The following RANBP9 variants were observed in gnomAD, a reference collection of about 807,000 sequenced individuals.
The protein encoded by RANBP9 is RAN binding protein 9.
In RANBP9, 15 loss-of-function variants were observed where a neutral mutation model predicts 84.3. The observed-to-expected ratio is 0.18, with a 90% CI of 0.12 to 0.27. The LOEUF is 0.27. Ranked by LOEUF, RANBP9 falls within the 10% of genes least tolerant of loss-of-function variation. RANBP9 has a pLI of 1.00. For missense variants in RANBP9, 809 were observed against 912.8 expected (o/e 0.89, Z 1.46); for synonymous variants, 392 against 349.6 (o/e 1.12, Z -1.35).
At chr6:13,698,157 C>T (rs1350404650) in intron 1 of RANBP9, among the ~76,000 whole-genome samples, 1 of 152,046 alleles carries the variant, frequency 6.6e-6, no homozygotes, top group Non-Finnish European at 1.5e-5. Flanking sequence ...CCCACTCCCC[C>T]CACAAAAAAA....
chr6:13,625,803 T>C (rs1463923633), intron 12 of RANBP9, 39 bp from the exon 13 acceptor site: 1 of 1,375,986 alleles, frequency 7.3e-7, no homozygotes, highest in East Asian at 2.3e-5. Context: ...ATTCAAATAG[T>C]TCAACTATTA....
intron 2 of RANBP9, 100 bp from the exon 3 acceptor site, chr6:13,658,932 G>C: frequency 8.5e-7 from 1 of 1,183,300 alleles, no homozygotes; most frequent in Non-Finnish European, 1.3e-6. Flanking sequence ...CCAAGCCCAA[G>C]TTGGAACTCC....
At chr6:13,672,687 G>T (rs1047168221) in intron 2 of RANBP9, among the ~76,000 whole-genome samples, 2 of 152,074 alleles carry the variant, frequency 1.3e-5, no homozygotes, top group Non-Finnish European at 2.9e-5. Flanking sequence ...GACAAAGCAA[G>T]CATCGAAACC....
intron 11 of RANBP9, 36 bp downstream of exon 11, chr6:13,634,395 T>C (rs772479740): frequency 3.1e-6 from 5 of 1,600,288 alleles, no homozygotes; most frequent in Non-Finnish European, 3.4e-6. Context: ...GTAGCCATCA[T>C]TTTTTATTAA....
intron 2 of RANBP9, among the ~76,000 whole-genome samples, chr6:13,665,007 A>G (rs1765616192): frequency 6.6e-6 from 1 of 152,200 alleles, no homozygotes; most frequent in Non-Finnish European, 1.5e-5. Context: ...GACAGTCCAA[A>G]AGAGGATGGA....
At position 13,625,772 on chromosome 6, in the gene RANBP9, A is replaced by G; in HGVS notation, c.1948-8T>C. 1 of 1,554,010 alleles carries G rather than the reference A, an allele frequency of 6.4e-7. No homozygotes were observed. Among genetic ancestry groups the G allele is most frequent in the South Asian group, 1.1e-5 (1 of 89,790 alleles). ...TAGTAGACTGAATGCATCCTGTTGAAAACACATCGATTTGGTTTTAATTCA... is the reference window on the plus strand; with the variant it reads ...TAGTAGACTGAATGCATCCTGTTGAGAACACATCGATTTGGTTTTAATTCA... On this transcript the variant is annotated splice_polypyrimidine_tract_variant and splice_region_variant and intron_variant, in intron 12 of 13. Coordinates refer to ENST00000011619, the MANE Select transcript of RANBP9 (RefSeq NM_005493.3).
chr6:13,650,502 C>T (rs927381208), intron 5 of RANBP9, among the ~76,000 whole-genome samples: 3 of 152,116 alleles, frequency 2.0e-5, no homozygotes, highest in Non-Finnish European at 4.4e-5. Context: ...TATGGTCAGG[C>T]AGCTGTCATG....
chr6:13,644,430 A>C, intron 6 of RANBP9, 115 bp downstream of exon 6: 1 of 967,460 alleles, frequency 1.0e-6, no homozygotes, highest in Non-Finnish European at 1.5e-6. Flanking sequence ...ATAATATAAT[A>C]GATATGTCAG....
chr6:13,659,249 C>CACACACAT (rs879748635), intron 2 of RANBP9, among the ~76,000 whole-genome samples: 1 of 110,658 alleles, frequency 9.0e-6, no homozygotes, highest in Non-Finnish European at 1.9e-5. Context: ...ACCCCACACA[C>CACACACAT]ACACACATAC....
intron 2 of RANBP9, among the ~76,000 whole-genome samples, chr6:13,682,489 G>C (rs1310926054): frequency 1.4e-5 from 2 of 147,076 alleles, no homozygotes; most frequent in African/African-American, 5.0e-5. Context: ...TTTTGCTCTT[G>C]TTGCCCAGCC....
chr6:13,704,861 C>T (rs1758061795), intron 1 of RANBP9, among the ~76,000 whole-genome samples: 1 of 152,078 alleles, frequency 6.6e-6, no homozygotes, highest in African/African-American at 2.4e-5. Context: ...TCCCTGATAC[C>T]TACACTTCCT....
At chr6:13,675,547 G>A (rs544042805) in intron 2 of RANBP9, among the ~76,000 whole-genome samples, 4 of 151,994 alleles carry the variant, frequency 2.6e-5, no homozygotes, top group African/African-American at 4.8e-5. Context: ...AAAAATCAAT[G>A]ATTTAACTTT....
Position 13,634,546 on chromosome 6 carries a change from A to T in RANBP9, c.1680T>A (p.Asp560Glu). The change falls in exon 11 of 14, where the codon GAT becomes GAA. Residue 560 changes from aspartate to glutamate, a missense_variant. Physicochemically the swap from Asp to Glu is conservative, Grantham distance 45 (BLOSUM62 2). Around this residue, in one of 5 missense-constraint regions of RANBP9, gnomAD observed 233 missense variants for 234.4 expected, o/e 0.99. Transcript: ENST00000011619. ...SQQVNNFTSN[D>E]VDMETDHYSN... is the part of the protein sequence containing the mutation. ...AGTAGTGATCTGTTTCCATGTCTACATCATTACTGAAAACGAAAAAACAAA... is the reference window on the plus strand; with the variant it reads ...AGTAGTGATCTGTTTCCATGTCTACTTCATTACTGAAAACGAAAAAACAAA... The T allele has an allele frequency of 6.3e-7, 1 of 1,596,328 alleles. No individual in the cohort carries two copies. Among genetic ancestry groups the T allele is most frequent in the Non-Finnish European group, 8.5e-7 (1 of 1,171,804 alleles).
At chr6:13,689,438 T>A (rs572653338) in intron 2 of RANBP9, among the ~76,000 whole-genome samples, 1 of 152,052 alleles carries the variant, frequency 6.6e-6, no homozygotes, top group Non-Finnish European at 1.5e-5. Flanking sequence ...ACCCAGCTAA[T>A]TTTTGTACTT....
At chr6:13,687,124 G>A (rs1766209616) in intron 2 of RANBP9, among the ~76,000 whole-genome samples, 1 of 151,846 alleles carries the variant, frequency 6.6e-6, no homozygotes, top group Admixed American at 6.6e-5. Context: ...TCCACCCTAG[G>A]CCCTCTTTGT....
At chr6:13,631,105 G>A (rs1056334565) in intron 12 of RANBP9, among the ~76,000 whole-genome samples, 7 of 152,094 alleles carry the variant, frequency 4.6e-5, no homozygotes, top group African/African-American at 7.2e-5. Context: ...ACCGCGCCCG[G>A]CCTGATTTGA....
At chr6:13,666,162 C>G (rs1018218364) in intron 2 of RANBP9, among the ~76,000 whole-genome samples, 4 of 151,976 alleles carry the variant, frequency 2.6e-5, no homozygotes, top group Non-Finnish European at 1.5e-5. Flanking sequence ...AAGCTGACAT[C>G]AAACTCTAGT....
chr6:13,701,583 G>C (rs1757971840), intron 1 of RANBP9, among the ~76,000 whole-genome samples: 1 of 152,006 alleles, frequency 6.6e-6, no homozygotes, highest in Non-Finnish European at 1.5e-5. Flanking sequence ...GACCAGCCTG[G>C]CCAACATAAA....
intron 12 of RANBP9, among the ~76,000 whole-genome samples, chr6:13,630,998 A>G (rs987111626): frequency 6.6e-6 from 1 of 151,988 alleles, no homozygotes. Context: ...TTTAGTAGAG[A>G]CGGGGTTTCA....
Sources: gnomAD v4.1 joint callset for allele counts (sites outside exome capture counted in the v4.1 genomes callset) on GRCh38, gnomAD v4.1.1 for gene constraint, gnomAD v4.1.1 regional missense constraint, MANE v1.5 for transcripts, NCBI Gene and HGNC (gene_info 2026-07-23, HGNC 2026-07-21) for gene names.